The following NRG3 variants were observed in gnomAD, a reference collection of about 807,000 sequenced individuals.
NRG3 encodes the protein neuregulin 3, also known as pro-neuregulin-3, membrane-bound isoform.
A neutral mutation model predicts 66.9 loss-of-function variants in NRG3; 31 were observed. The ratio of observed to expected loss-of-function variants is 0.46; its 90% CI spans 0.35 to 0.63. The LOEUF is 0.63. Ranked by LOEUF, NRG3 falls within the 20% of genes least tolerant of loss-of-function variation. NRG3 has a pLI of 0.00. For missense variants in NRG3, 910 were observed against 878.9 expected, an observed-to-expected ratio of 1.04 and a Z score of -0.45; for synonymous variants, 393 against 359.4, an observed-to-expected ratio of 1.09 and a Z score of -1.06.
chr10:82,785,042 A>C (rs979627692), intron 3 of NRG3, among the ~76,000 whole-genome samples: 8 of 152,174 alleles, frequency 5.3e-5, no homozygotes, highest in African/African-American at 1.7e-4. Context: ...TGATGAGTTC[A>C]TGTCCTTTGT....
chr10:82,333,888 A>T (rs2082259150), intron 1 of NRG3, among the ~76,000 whole-genome samples: 1 of 152,140 alleles, frequency 6.6e-6, no homozygotes, highest in Non-Finnish European at 1.5e-5. Flanking sequence ...GGGAGAAGGA[A>T]AGAGAGAAAA....
At chr10:81,995,846 T>G (rs1427305008) in intron 1 of NRG3, among the ~76,000 whole-genome samples, 2 of 151,616 alleles carry the variant, frequency 1.3e-5, no homozygotes, top group Non-Finnish European at 2.9e-5. Flanking sequence ...ACCTTGATAT[T>G]GTTTGTTTTG....
At chr10:82,203,007 T>C (rs143959153) in intron 1 of NRG3, among the ~76,000 whole-genome samples, 1 of 152,196 alleles carries the variant, frequency 6.6e-6, no homozygotes, top group African/African-American at 2.4e-5. Context: ...GGAGGCACAT[T>C]AGGGAGGACA....
intron 4 of NRG3, among the ~76,000 whole-genome samples, chr10:82,932,311 C>T (rs1203171921): frequency 6.6e-6 from 1 of 152,226 alleles, no homozygotes; most frequent in African/African-American, 2.4e-5. Flanking sequence ...AGCAACAATA[C>T]AAATTGAGTA....
intron 4 of NRG3, among the ~76,000 whole-genome samples, chr10:82,943,139 GA>G (rs977367899): frequency 1.3e-5 from 2 of 152,158 alleles, no homozygotes; most frequent in African/African-American, 4.8e-5. Context: ...AGAGAAAACG[GA>G]AAAAGGAAAG....
intron 2 of NRG3, among the ~76,000 whole-genome samples, chr10:82,677,770 A>G (rs988553013): frequency 2.6e-5 from 4 of 152,336 alleles, no homozygotes; most frequent in Non-Finnish European, 4.4e-5. Context: ...GTTTTAGAGC[A>G]AGAATGAAAG....
At chr10:82,170,501 T>A (rs1182358325) in intron 1 of NRG3, among the ~76,000 whole-genome samples, 1 of 151,576 alleles carries the variant, frequency 6.6e-6, no homozygotes, top group East Asian at 1.9e-4. Flanking sequence ...AAAATCCATA[T>A]GGTTCACCAT....
intron 1 of NRG3, among the ~76,000 whole-genome samples, chr10:82,287,386 A>C (rs989858867): frequency 4.0e-5 from 6 of 151,708 alleles, no homozygotes; most frequent in Non-Finnish European, 5.9e-5. Flanking sequence ...TGCCAGTACC[A>C]TGCTTCCTAT....
chr10:82,315,530 G>A (rs1359873146), intron 1 of NRG3, among the ~76,000 whole-genome samples: 1 of 152,192 alleles, frequency 6.6e-6, no homozygotes, highest in Admixed American at 6.5e-5. Flanking sequence ...GCTCCTGTGT[G>A]AATAGTGCCT....
In NRG3 at chr10:82,456,169, G is replaced by C. The variant is rs368686428; in HGVS notation, c.953+97301G>C. On this transcript the variant is annotated intron_variant, in intron 2 of 8. Coordinates refer to ENST00000372141, the MANE Select transcript of NRG3 (RefSeq NM_001010848.4). ...TTTTTTTTTTTTTTGGTAGAGAGAG[G>C]GCTTCACTTTGCTGCCCAGGATAGA... 5.2e-4 allele frequency among the ~76,000 whole-genome samples: 75 copies of C among 144,180 alleles called. 1 individual carries two copies. In the East Asian group the frequency reaches 0.012, roughly 24 times the overall value. 94.6% of individuals were successfully genotyped at this position (144,180 alleles called of 152,430 possible). A position where few individuals can be genotyped will look rare whatever the true frequency, so the allele number is the denominator to read the frequency against.
chr10:82,500,976 G>C (rs563353088), intron 2 of NRG3, among the ~76,000 whole-genome samples: 1 of 152,024 alleles, frequency 6.6e-6, no homozygotes, highest in African/African-American at 2.4e-5. Flanking sequence ...GTATAATGTC[G>C]TTAAATAAGA....
In NRG3 at chr10:82,985,225, G is replaced by A; in HGVS notation, c.1711G>A (p.Ala571Thr). Residue 571 changes from alanine to threonine, a missense_variant, in exon 9 of 9, where the codon GCC becomes ACC. Coordinates refer to ENST00000372141, the MANE Select transcript of NRG3 (RefSeq NM_001010848.4). Reference sequence around the variant, plus strand: ...CCTGGTGGGCTATTCATCCACAAGGGCCAGTTCTGTGCCCATCATCCCTTC... The same window carrying A: ...CCTGGTGGGCTATTCATCCACAAGGACCAGTTCTGTGCCCATCATCCCTTC... ...KDLVGYSSTR[A>T]SSVPIIPSVG... 6.2e-7 allele frequency: 1 copy of A among 1,614,132 alleles called. No homozygotes were observed. The highest frequency in any genetic ancestry group is 1.3e-5 in the African/African-American group (1 of 75,050).
chr10:82,830,242 T>C (rs2062448485), intron 3 of NRG3, among the ~76,000 whole-genome samples: 1 of 152,218 alleles, frequency 6.6e-6, no homozygotes, highest in South Asian at 2.1e-4. Context: ...TTGCATTTCT[T>C]TGTTTACAAG....
At chr10:82,208,500 C>T (rs374895983) in intron 1 of NRG3, among the ~76,000 whole-genome samples, 1 of 152,112 alleles carries the variant, frequency 6.6e-6, no homozygotes, top group African/African-American at 2.4e-5. Flanking sequence ...CCACCTTGCT[C>T]TTTGTCCTGT....
intron 1 of NRG3, among the ~76,000 whole-genome samples, chr10:82,138,446 T>C (rs1048515377): frequency 1.3e-5 from 2 of 152,192 alleles, no homozygotes; most frequent in Non-Finnish European, 1.5e-5. Flanking sequence ...TACTATCTTC[T>C]TGGCTTCTAA....
chr10:82,193,193 A>C (rs2074256081), intron 1 of NRG3, among the ~76,000 whole-genome samples: 1 of 152,170 alleles, frequency 6.6e-6, no homozygotes, highest in Admixed American at 6.5e-5. Context: ...CCCAGGCTGG[A>C]GTGCAGTGGC....
At chr10:81,919,586 T>G (rs1431501810) in intron 1 of NRG3, among the ~76,000 whole-genome samples, 1 of 152,094 alleles carries the variant, frequency 6.6e-6, no homozygotes. Context: ...AAAGATTGTG[T>G]GTTTGTATTA....
At chr10:82,102,612 A>C (rs112948274) in intron 1 of NRG3, among the ~76,000 whole-genome samples, 1 of 151,550 alleles carries the variant, frequency 6.6e-6, no homozygotes, top group Non-Finnish European at 1.5e-5. Context: ...TTTGGGATAT[A>C]TATTTTATAT....
At chr10:82,390,115 A>G (rs184103383) in intron 2 of NRG3, among the ~76,000 whole-genome samples, 1 of 152,312 alleles carries the variant, frequency 6.6e-6, no homozygotes, top group East Asian at 1.9e-4. Context: ...ACAAGAGTAC[A>G]AACCTATCTG....
Sources: allele counts gnomAD v4.1 joint callset (sites outside exome capture counted in the v4.1 genomes callset), GRCh38; gene constraint gnomAD v4.1.1; transcripts MANE v1.5; gene names NCBI Gene and HGNC (gene_info 2026-07-23, HGNC 2026-07-21).